SFXN5: variants seen among roughly 807,000 people sequenced by gnomAD.
SFXN5 encodes the protein sideroflexin 5, also known as sideroflexin-5.
In SFXN5, 43 loss-of-function variants were observed where a neutral mutation model predicts 50.2. The observed-to-expected ratio is 0.86, with a 90% confidence interval of 0.67 to 1.11. The LOEUF (loss-of-function observed/expected upper bound fraction) is 1.11. Among genes scored for constraint, SFXN5 ranks in the 50% least tolerant of loss-of-function variants. SFXN5 has a pLI of 0.00. For synonymous variants in SFXN5, 203 were observed against 185.8 expected (o/e 1.09, Z -0.75); for missense variants, 463 against 454.1 (o/e 1.02, Z -0.18).
chr2:72,974,567 A>G (rs1223414143), intron 10 of SFXN5, among the ~76,000 whole-genome samples: 1 of 152,162 alleles, frequency 6.6e-6, no homozygotes, highest in Non-Finnish European at 1.5e-5. Flanking sequence ...GGCAATTCTT[A>G]CAGCCTACAC....
At position 72,960,900 on chromosome 2, in the gene SFXN5, A is replaced by G. The variant is rs1374637839; in HGVS notation, c.945+231T>C. Among the ~76,000 whole-genome samples, 4 of 151,976 alleles carry G rather than the reference A, an allele frequency of 2.6e-5. No homozygotes were observed. Among genetic ancestry groups the G allele is most frequent in the African/African-American group, 9.7e-5 (4 of 41,360 alleles). On this transcript the variant is annotated intron_variant, in intron 13 of 13. Transcript: ENST00000272433. The surrounding 1 kb of genome is among the most constrained non-coding windows in gnomAD (Gnocchi z 6.1). ...TGCTGTCTCCTTCCACACCCAGTGG[A>G]GCTTCTCCCACCCTAACGCTCCTGG... is the stretch of plus-strand genomic sequence containing the variant.
chr2:72,966,740 A>G (rs1674460009), intron 12 of SFXN5, among the ~76,000 whole-genome samples: 3 of 152,030 alleles, frequency 2.0e-5, no homozygotes, highest in South Asian at 4.2e-4. Context: ...CAAAAATTCT[A>G]TCCTGCTCTC....
rs544782762 is a variant in SFXN5, at chr2:72,969,157, C to T, written c.742-624G>A. ...ATTTGAGAAGAGCAGATTCCCATCA[C>T]CTGCCACACGTGGGGAACACTCAGG... On this transcript the variant is annotated intron_variant, in intron 11 of 13. Coordinates refer to ENST00000272433, the MANE Select transcript of SFXN5 (RefSeq NM_144579.3). Among the ~76,000 whole-genome samples, 493 of 152,210 alleles carry T rather than the reference C, an allele frequency of 3.2e-3. 5 individuals are homozygous for T. The highest frequency in any genetic ancestry group is 4.2e-3 in the Non-Finnish European group (285 of 68,008).
chr2:73,059,709 T>C, intron 1 of SFXN5: 2 of 980,616 alleles, frequency 2.0e-6, no homozygotes, highest in Non-Finnish European at 2.4e-6. Context: ...CTTTGGTCCA[T>C]TCCTAACAGA....
At chr2:73,058,698 C>A (rs767253053) in intron 1 of SFXN5, 102 bp from the exon 2 acceptor site, 13 of 1,047,856 alleles carry the variant, frequency 1.2e-5, no homozygotes, top group Non-Finnish European at 1.8e-5. Context: ...TCCCCCGGTC[C>A]CCAGGACTCC....
At chr2:73,063,136 G>A (rs1574273072) in intron 1 of SFXN5, among the ~76,000 whole-genome samples, 1 of 152,152 alleles carries the variant, frequency 6.6e-6, no homozygotes, top group South Asian at 2.1e-4. Context: ...GTGGAAAGAA[G>A]ATAAAAACTC....
At chr2:73,064,504 AG>A (rs1326007013) in intron 1 of SFXN5, among the ~76,000 whole-genome samples, 1 of 152,270 alleles carries the variant, frequency 6.6e-6, no homozygotes, top group Non-Finnish European at 1.5e-5. Flanking sequence ...TCTCGCCTAT[AG>A]GAAGTAAATG....
chr2:72,960,027 C>A lies in SFXN5; in HGVS notation c.945+1104G>T, dbSNP rs538215911. Among the ~76,000 whole-genome samples, 12 of 152,156 alleles carry A rather than the reference C, an allele frequency of 7.9e-5. No homozygotes were observed. Among genetic ancestry groups the A allele is most frequent in the Non-Finnish European group, 1.5e-4 (10 of 67,976 alleles). ...GTCTGACCCTGTGGATGCCCCCCAC[C>A]CACCCTGATCACACATGGCCCGGAT... On this transcript the variant is annotated intron_variant, in intron 13 of 13. Coordinates refer to ENST00000272433, the MANE Select transcript of SFXN5 (RefSeq NM_144579.3). The surrounding 1 kb of genome is among the most constrained non-coding windows in gnomAD (Gnocchi z 6.1).
chr2:73,061,304 T>A (rs927530430), intron 1 of SFXN5, among the ~76,000 whole-genome samples: 1 of 140,644 alleles, frequency 7.1e-6, no homozygotes, highest in East Asian at 2.0e-4. Flanking sequence ...CAAGACTCTG[T>A]CTCAAAAAAA....
intron 3 of SFXN5, among the ~76,000 whole-genome samples, chr2:73,024,136 G>A (rs933953744): frequency 2.7e-5 from 4 of 150,052 alleles, no homozygotes; most frequent in African/African-American, 4.9e-5. Context: ...CGATTCTCCC[G>A]CCTCAGCCTC....
rs11896374 is a variant in SFXN5, at chr2:72,942,931, G to A, written c.*2091C>T. ...AAGACCTTATGATAGGTAGGAGCAG[G>A]GTGAGCTTGAAGTGAGCTTTTCAAA... On this transcript the variant is annotated 3_prime_UTR_variant, in exon 14 of 14. Transcript: ENST00000272433. The A allele has an allele frequency of 0.097, 14,756 of 152,356 alleles. 2,407 individuals are homozygous for A. Among genetic ancestry groups the A allele is most frequent in the African/African-American group, 0.34 (13,962 of 41,500 alleles). The allele number at this position is 152,356 out of a possible 1,614,324, so 9.4% of individuals were successfully genotyped here. A position where few individuals can be genotyped will look rare whatever the true frequency, so the allele number is the denominator to read the frequency against.
chr2:73,057,785 T>C (rs1682337407), intron 2 of SFXN5, among the ~76,000 whole-genome samples: 1 of 152,200 alleles, frequency 6.6e-6, no homozygotes, highest in Non-Finnish European at 1.5e-5. Context: ...TGATAGTGAG[T>C]TCCCATGAGA....
Position 72,961,174 on chromosome 2 carries a change from A to G in SFXN5, c.902T>C (p.Leu301Pro), listed in dbSNP as rs1303789277. ...GAGGCTGATGGCCAGCGGCAGGGCC[A>G]GGCCGAAGGCTGCCAGGCACACGAG... is the stretch of plus-strand genomic sequence containing the variant. ...QSLVCLAAFG[L>P]ALPLAISLFP... Residue 301 changes from leucine (L) to proline (P), a missense_variant, in exon 13 of 14, where the codon CTG becomes CCG. Transcript: ENST00000272433. The surrounding 1 kb of genome is among the most constrained non-coding windows in gnomAD (Gnocchi z 4.4). 1 of 1,577,332 alleles carries G rather than the reference A, an allele frequency of 6.3e-7. No individual in the cohort carries two copies. Among genetic ancestry groups the G allele is most frequent in the Admixed American group, 1.8e-5 (1 of 54,872 alleles).
chr2:73,028,821 T>C (rs1416273457), intron 3 of SFXN5, among the ~76,000 whole-genome samples: 3 of 151,970 alleles, frequency 2.0e-5, no homozygotes, highest in Non-Finnish European at 2.9e-5. Flanking sequence ...TTAAAAACAC[T>C]CTAGCATCTT....
In SFXN5 at chr2:72,973,741, G is replaced by A. The variant is rs2105470993; in HGVS notation, c.626-2056C>T. On this transcript the variant is annotated intron_variant, in intron 10 of 13. Transcript: ENST00000272433. This position sits in a 1 kb window ranked among gnomAD's most constrained non-coding sequence, Gnocchi z 5.5. Reference sequence around the variant, plus strand: ...CTCAGGGCCCAGAAGGGTCCCCCAGGGTAGCCTTGGGAAGCAGCCACCTGG... The same window carrying A: ...CTCAGGGCCCAGAAGGGTCCCCCAGAGTAGCCTTGGGAAGCAGCCACCTGG... Among the ~76,000 whole-genome samples the A allele has an allele frequency of 6.6e-6, 1 of 152,288 alleles. No homozygotes were observed. Among genetic ancestry groups the A allele is most frequent in the African/African-American group, 2.4e-5 (1 of 41,572 alleles).
At chr2:72,963,156 G>T (rs1673948236) in intron 12 of SFXN5, among the ~76,000 whole-genome samples, 1 of 152,206 alleles carries the variant, frequency 6.6e-6, no homozygotes, top group African/African-American at 2.4e-5. Flanking sequence ...GGACGGGGCT[G>T]CCCTCCTGTT....
At chr2:72,974,624 T>C (rs1246692906) in intron 10 of SFXN5, among the ~76,000 whole-genome samples, 1 of 152,220 alleles carries the variant, frequency 6.6e-6, no homozygotes, top group Non-Finnish European at 1.5e-5. Flanking sequence ...TGTACATTGG[T>C]TGGCCTTTAT....
chr2:73,048,716 A>C (rs1292166701), intron 2 of SFXN5, among the ~76,000 whole-genome samples: 1 of 152,258 alleles, frequency 6.6e-6, no homozygotes, highest in Non-Finnish European at 1.5e-5. Context: ...AAGTTTGGTC[A>C]TCTGGCTAAA....
intron 3 of SFXN5, among the ~76,000 whole-genome samples, chr2:73,039,856 G>A (rs1679395762): frequency 6.6e-6 from 1 of 150,818 alleles, no homozygotes; most frequent in Non-Finnish European, 1.5e-5. Flanking sequence ...TGTTGCCCAG[G>A]CTGGAGTGCA....
Sources: allele counts gnomAD v4.1 joint callset (sites outside exome capture counted in the v4.1 genomes callset), GRCh38; gene constraint gnomAD v4.1.1; non-coding constraint Gnocchi (gnomAD v3.1); transcripts MANE v1.5; gene names NCBI Gene and HGNC (gene_info 2026-07-23, HGNC 2026-07-21).